Variants in PLCB1 observed in about 807,000 individuals in gnomAD.
PLCB1 encodes phospholipase C beta 1.
PLCB1 carries 46 observed loss-of-function variants against 161.8 expected under a neutral mutation model. That is an observed-to-expected ratio of 0.28 (90% CI 0.22 to 0.36). The LOEUF (loss-of-function observed/expected upper bound fraction) is 0.36, where lower values mean the gene tolerates loss of function less well. Ranked by LOEUF, PLCB1 falls within the 10% of genes least tolerant of loss-of-function variation. The pLI is 1.00. For synonymous variants in PLCB1, 517 were observed against 503.7 expected (o/e 1.03, Z -0.35); for missense variants, 1,016 against 1,472.5 (o/e 0.69, Z 5.07).
chr20:8,799,831 C>G (rs892134243), intron 31 of PLCB1, among the ~76,000 whole-genome samples: 3 of 152,112 alleles, frequency 2.0e-5, no homozygotes, highest in African/African-American at 7.2e-5. Flanking sequence ...CTCCCATGTA[C>G]TTTGTCATTT....
chr20:8,779,758 A>G (rs1222200275), intron 27 of PLCB1, among the ~76,000 whole-genome samples: 1 of 152,162 alleles, frequency 6.6e-6, no homozygotes, highest in Admixed American at 6.5e-5. Context: ...CATTGCCCCA[A>G]ATGCATTTTA....
At chr20:8,628,554 A>G in intron 4 of PLCB1, 123 bp downstream of exon 4, 1 of 935,364 alleles carries the variant, frequency 1.1e-6, no homozygotes, top group Non-Finnish European at 1.6e-6. Context: ...TCACCTAAAA[A>G]TAATTCAGCT....
At chr20:8,373,004 T>G (rs1238041606) in intron 3 of PLCB1, among the ~76,000 whole-genome samples, 1 of 152,168 alleles carries the variant, frequency 6.6e-6, no homozygotes, top group East Asian at 1.9e-4. Flanking sequence ...ACAGCTTGCT[T>G]ATCAGTTAAG....
At chr20:8,368,486 C>T (rs1361579446) in intron 2 of PLCB1, among the ~76,000 whole-genome samples, 2 of 136,856 alleles carry the variant, frequency 1.5e-5, no homozygotes, top group Admixed American at 7.8e-5. Flanking sequence ...GAGATTGCAC[C>T]ACTGCACTTT....
chr20:8,203,630 C>T (rs1978363009), intron 2 of PLCB1, among the ~76,000 whole-genome samples: 1 of 152,014 alleles, frequency 6.6e-6, no homozygotes, highest in Non-Finnish European at 1.5e-5. Flanking sequence ...ACAGACAAAT[C>T]AGGTTCCTGA....
chr20:8,737,136 T>C lies in PLCB1; in HGVS notation c.2152T>C (p.Ser718Pro). The C allele has an allele frequency of 1.9e-6, 3 of 1,613,930 alleles. No individual in the cohort carries two copies. Among genetic ancestry groups the C allele is most frequent in the Non-Finnish European group, 2.5e-6 (3 of 1,179,870 alleles). The change falls in exon 20 of 32, where the codon TCC (serine) becomes CCC (proline). Residue 718 changes from serine (S) to proline (P), a missense_variant. By Grantham distance (74) the Ser-to-Pro change is moderately conservative. Around this residue, in one of 10 missense-constraint regions of PLCB1, gnomAD observed 67 missense variants for 195.6 expected, o/e 0.34. Transcript: ENST00000338037. The part of the protein sequence containing the change: ...TRRKAFKTKT[S>P]QGNAVNPVWE... Reference sequence around the variant, plus strand: ...GAGGAAGGCATTTAAGACCAAAACATCCCAAGGAAATGCTGTGAATCCTGT... The same window carrying C: ...GAGGAAGGCATTTAAGACCAAAACACCCCAAGGAAATGCTGTGAATCCTGT...
intron 2 of PLCB1, among the ~76,000 whole-genome samples, chr20:8,269,421 G>A (rs1982162936): frequency 6.6e-6 from 1 of 152,066 alleles, no homozygotes; most frequent in South Asian, 2.1e-4. Flanking sequence ...ACTATTGCAA[G>A]GGATTTTGTT....
chr20:8,527,915 T>G (rs1984646643), intron 3 of PLCB1, among the ~76,000 whole-genome samples: 5 of 152,134 alleles, frequency 3.3e-5, no homozygotes, highest in Admixed American at 2.0e-4. Flanking sequence ...AATATTCTGA[T>G]AGCAGAACTA....
At position 8,687,048 on chromosome 20, in the gene PLCB1, C is replaced by T. The variant is rs1395167803; in HGVS notation, c.1009+1970C>T. Among the ~76,000 whole-genome samples the T allele has an allele frequency of 2.6e-5, 4 of 151,200 alleles. No individual in the cohort carries two copies. In the East Asian group the frequency reaches 7.8e-4, roughly 29 times the overall value. Reference sequence around the variant, plus strand: ...ATTATTATTATTATTATTCTTGAGACAGGGCCTCACTCTGTTGCCCAGGCT... The same window carrying T: ...ATTATTATTATTATTATTCTTGAGATAGGGCCTCACTCTGTTGCCCAGGCT... On this transcript the variant is annotated intron_variant, in intron 10 of 31. Coordinates refer to ENST00000338037, the MANE Select transcript of PLCB1 (RefSeq NM_015192.4).
intron 2 of PLCB1, among the ~76,000 whole-genome samples, chr20:8,218,321 A>G (rs1600241254): frequency 1.3e-5 from 2 of 152,256 alleles, no homozygotes; most frequent in Non-Finnish European, 2.9e-5. Flanking sequence ...ATATGCTCAG[A>G]GTTCAGATAG....
chr20:8,782,569 T>C (rs1218552460), intron 27 of PLCB1, among the ~76,000 whole-genome samples: 1 of 152,146 alleles, frequency 6.6e-6, no homozygotes, highest in Non-Finnish European at 1.5e-5. Flanking sequence ...ATTTTCTCTA[T>C]TTTTTAAGAG....
chr20:8,495,388 CTTTTTTTTTTT>C (rs869173548), intron 3 of PLCB1, among the ~76,000 whole-genome samples: 6 of 94,358 alleles, frequency 6.4e-5, no homozygotes, highest in Non-Finnish European at 8.1e-5. Flanking sequence ...ACCTTCCTTT[CTTTTTTTTTTT>C]TTTTTTTTTT....
chr20:8,498,572 G>A (rs561326842), intron 3 of PLCB1, among the ~76,000 whole-genome samples: 239 of 152,270 alleles, frequency 1.6e-3, no homozygotes, highest in Middle Eastern at 3.4e-3. Flanking sequence ...ATCTCAAGGC[G>A]GCGGGGAACA....
intron 3 of PLCB1, among the ~76,000 whole-genome samples, chr20:8,525,278 G>A (rs1192924334): frequency 6.6e-6 from 1 of 151,232 alleles, no homozygotes; most frequent in Admixed American, 6.6e-5. Flanking sequence ...GGAGCTAATT[G>A]CAGACCAATT....
intron 2 of PLCB1, among the ~76,000 whole-genome samples, chr20:8,294,179 A>C (rs937188998): frequency 1.1e-4 from 16 of 152,138 alleles, no homozygotes; most frequent in Non-Finnish European, 1.9e-4. Flanking sequence ...AATGCAAGAC[A>C]TTGACAAAAT....
intron 2 of PLCB1, among the ~76,000 whole-genome samples, chr20:8,210,109 A>G (rs937341196): frequency 6.6e-6 from 1 of 152,144 alleles, no homozygotes; most frequent in South Asian, 2.1e-4. Flanking sequence ...TTTTAATGTG[A>G]AAAGTGTAAC....
At chr20:8,276,986 C>CTTCTTCTTCTTCTTCTTCTTATTA (rs869194352) in intron 2 of PLCB1, among the ~76,000 whole-genome samples, 1 of 93,358 alleles carries the variant, frequency 1.1e-5, no homozygotes, top group African/African-American at 4.4e-5. Flanking sequence ...TCTTCTTCTT[C>CTTCTTCTTCTTCTTCTTCTTATTA]TTATTATTAT....
At chr20:8,258,775 A>C (rs1981548009) in intron 2 of PLCB1, among the ~76,000 whole-genome samples, 1 of 152,174 alleles carries the variant, frequency 6.6e-6, no homozygotes. Flanking sequence ...GCACATTGTT[A>C]AGCCATGTGG....
At chr20:8,584,793 C>T (rs1203871368) in intron 3 of PLCB1, among the ~76,000 whole-genome samples, 1 of 152,016 alleles carries the variant, frequency 6.6e-6, no homozygotes, top group African/African-American at 2.4e-5. Flanking sequence ...CAGGTTTAAG[C>T]GATTCTCCTG....
Sources: allele counts gnomAD v4.1 joint callset (sites outside exome capture counted in the v4.1 genomes callset), GRCh38; gene constraint gnomAD v4.1.1; regional missense constraint gnomAD v4.1.1; transcripts MANE v1.5; gene names NCBI Gene and HGNC (gene_info 2026-07-23, HGNC 2026-07-21).